RPAIN: variants seen among roughly 807,000 people sequenced by gnomAD.
The protein encoded by RPAIN is RPA interacting protein, also known as RPA-interacting protein.
A neutral mutation model predicts 30.5 loss-of-function variants in RPAIN; 29 were observed. The ratio of observed to expected loss-of-function variants is 0.95; its 90% CI spans 0.71 to 1.30. The LOEUF is 1.30. RPAIN is among the 50% of genes most tolerant of loss of function. RPAIN has a pLI of 0.00. For synonymous variants in RPAIN, 101 were observed against 93.5 expected (o/e 1.08, Z -0.46); for missense variants, 247 against 264.7 (o/e 0.93, Z 0.46).
intron 6 of RPAIN, 31 bp from the exon 7 acceptor site, chr17:5,432,511 T>G (rs145820011): frequency 2.7e-4 from 427 of 1,604,480 alleles, no homozygotes; most frequent in Admixed American, 3.3e-4. Flanking sequence ...AGAATACAAT[T>G]TAAGCTAATT....
At chr17:5,428,380 G>T (rs563056547) in intron 6 of RPAIN, 169 bp downstream of exon 6, 4 of 1,497,806 alleles carry the variant, frequency 2.7e-6, no homozygotes, top group African/African-American at 2.8e-5. Flanking sequence ...TAGACTCAAA[G>T]GCCAGTCAGA....
chr17:5,421,475 G>A lies in RPAIN; in HGVS notation c.252+9G>A. The stretch of plus-strand genomic sequence containing the variant: ...CAGAAGACTTGGCTCAGGTCAGGCT[G>A]GGCTATGTGTTTTCAGGGAGGGGGA... On this transcript the variant is annotated intron_variant, in intron 2 of 6. Coordinates refer to ENST00000381209, the MANE Select transcript of RPAIN (RefSeq NM_001033002.4). The A allele has an allele frequency of 6.2e-7, 1 of 1,612,314 alleles. No homozygotes were observed. Among genetic ancestry groups the A allele is most frequent in the Non-Finnish European group, 8.5e-7 (1 of 1,179,274 alleles).
intron 3 of RPAIN, 101 bp downstream of exon 3, chr17:5,422,930 T>TC: frequency 1.1e-6 from 1 of 921,782 alleles, no homozygotes; most frequent in Non-Finnish European, 1.7e-6. Context: ...TTTGTCTACC[T>TC]CCATCAGTCA....
At chr17:5,425,020 G>A (rs1183753955) in intron 3 of RPAIN, 1 of 239,368 alleles carries the variant, frequency 4.2e-6, no homozygotes, top group Non-Finnish European at 8.2e-6. Context: ...TTTTTGTGAA[G>A]AGCCAGATAG....
At chr17:5,428,273 C>A in intron 6 of RPAIN, 62 bp downstream of exon 6, 1 of 1,612,542 alleles carries the variant, frequency 6.2e-7, no homozygotes, top group Non-Finnish European at 8.5e-7. Context: ...TTATTCCCAC[C>A]TTGATAGAAA....
At chr17:5,428,806 A>G (rs1915649831) in intron 6 of RPAIN, 2 of 988,916 alleles carry the variant, frequency 2.0e-6, no homozygotes, top group Non-Finnish European at 2.4e-6. Context: ...AAACACACAT[A>G]AAACCAATAT....
At chr17:5,429,296 G>C in intron 6 of RPAIN, 1 of 985,500 alleles carries the variant, frequency 1.0e-6, no homozygotes, top group Middle Eastern at 5.2e-4. Flanking sequence ...GATCTGGTGA[G>C]TTGTGGGGGT....
intron 5 of RPAIN, chr17:5,426,639 AT>A (rs35657465): frequency 0.25 from 37,308 of 148,742 alleles, 3,801 homozygotes; most frequent in East Asian, 0.67. Flanking sequence ...AGCTTCAGTA[AT>A]TTTTTTTTTT....
chr17:5,422,719 G>T (rs1177502961), intron 2 of RPAIN, 50 bp from the exon 3 acceptor site: 4 of 1,540,166 alleles, frequency 2.6e-6, no homozygotes, highest in Non-Finnish European at 3.6e-6. Context: ...TGTGGGGCTT[G>T]GTTGGTGATT....
chr17:5,423,991 A>ATT (rs35718658), intron 3 of RPAIN, among the ~76,000 whole-genome samples: 18 of 134,594 alleles, frequency 1.3e-4, no homozygotes, highest in African/African-American at 3.6e-4. Context: ...TTATTTATGT[A>ATT]TTTTTTTTTT....
At chr17:5,426,340 C>G in intron 5 of RPAIN, 41 bp downstream of exon 5, 1 of 1,535,742 alleles carries the variant, frequency 6.5e-7, no homozygotes, top group East Asian at 2.2e-5. Flanking sequence ...CTTCTTCCCA[C>G]ATGGATCTAC....
chr17:5,428,237 G>A (rs765060374), intron 6 of RPAIN, 26 bp downstream of exon 6: 2 of 1,614,134 alleles, frequency 1.2e-6, no homozygotes, highest in Non-Finnish European at 1.7e-6. Context: ...GACCCACTCT[G>A]TGGTAAGAGG....
intron 3 of RPAIN, chr17:5,423,048 A>C: frequency 2.2e-6 from 1 of 448,016 alleles, no homozygotes; most frequent in Admixed American, 3.7e-5. Context: ...TCATTTAATG[A>C]TGCTGTTTTC....
At chr17:5,422,851 T>C in intron 3 of RPAIN, 22 bp downstream of exon 3, 1 of 1,572,612 alleles carries the variant, frequency 6.4e-7, no homozygotes, top group South Asian at 1.1e-5. Flanking sequence ...TGGTAGTCCT[T>C]CCTTACCTGT....
chr17:5,426,160 T>G, intron 4 of RPAIN, 76 bp from the exon 5 acceptor site: 1 of 1,569,494 alleles, frequency 6.4e-7, no homozygotes, highest in East Asian at 2.2e-5. Flanking sequence ...CCCCCCAGAT[T>G]TGTTGCCTGA....
At chr17:5,431,074 G>A (rs1422272525) in intron 6 of RPAIN, 1 of 242,740 alleles carries the variant, frequency 4.1e-6, no homozygotes, top group Non-Finnish European at 8.0e-6. Flanking sequence ...AGTAGGAGGT[G>A]AGGTTTGGAA....
chr17:5,429,521 G>A (rs1597345401), intron 6 of RPAIN: 5 of 985,164 alleles, frequency 5.1e-6, no homozygotes, highest in African/African-American at 3.5e-5. Context: ...TTAGACCCCA[G>A]GTCTTTGTGG....
chr17:5,432,646 C>T lies in RPAIN; in HGVS notation c.*75C>T, dbSNP rs1916099021. The T allele has an allele frequency of 1.5e-6, 2 of 1,331,700 alleles. No individual in the cohort carries two copies. The highest frequency in any genetic ancestry group is 1.1e-6 in the Non-Finnish European group (1 of 940,126). The allele number at this position is 1,331,700 out of a possible 1,614,324, so 82.5% of individuals were successfully genotyped here. A position where few individuals can be genotyped will look rare whatever the true frequency, so the allele number is the denominator to read the frequency against. On this transcript the variant is annotated 3_prime_UTR_variant, in exon 7 of 7. Coordinates refer to ENST00000381209, the MANE Select transcript of RPAIN (RefSeq NM_001033002.4). ...CTCTGAGGAGCCTTGTACATACAAGCCTTTTATTTATAACTTATTTTGTAT... is the reference window on the plus strand; with the variant it reads ...CTCTGAGGAGCCTTGTACATACAAGTCTTTTATTTATAACTTATTTTGTAT...
In RPAIN at chr17:5,422,687, C is replaced by T. The variant is rs1914983281; in HGVS notation, c.253-82C>T. 5 of 1,326,950 alleles carry T rather than the reference C, an allele frequency of 3.8e-6. No homozygotes were observed. The South Asian group carries it at 6.2e-5, about 16-fold the overall frequency. 82.2% of individuals were successfully genotyped at this position (1,326,950 alleles called of 1,614,324 possible). A position where few individuals can be genotyped will look rare whatever the true frequency, so the allele number is the denominator to read the frequency against. On this transcript the variant is annotated intron_variant, in intron 2 of 6. Transcript: ENST00000381209. ...GTCCAATAAATCTGGGTTCTTCAAG[C>T]CAGCCTCCAAGTATGAATCACTGTG... is the stretch of plus-strand genomic sequence containing the variant.
Sources: gnomAD v4.1 joint callset for allele counts (sites outside exome capture counted in the v4.1 genomes callset) on GRCh38, gnomAD v4.1.1 for gene constraint, MANE v1.5 for transcripts, NCBI Gene and HGNC (gene_info 2026-07-23, HGNC 2026-07-21) for gene names.